Variants in MACF1 observed in about 807,000 individuals in gnomAD.
MACF1 encodes the protein microtubule-actin cross-linking factor 1.
Under a neutral mutation model 854.8 loss-of-function variants are expected in MACF1, and 193 were observed. The ratio of observed to expected loss-of-function variants is 0.23; its 90% CI spans 0.20 to 0.25. MACF1 has a LOEUF of 0.25. Among genes scored for constraint, MACF1 ranks in the 10% least tolerant of loss-of-function variants. MACF1 has a pLI of 1.00. For synonymous variants in MACF1, 3,185 were observed against 3,226.7 expected (o/e 0.99, Z 0.44); for missense variants, 7,722 against 8,929.1 (o/e 0.86, Z 5.45).
At chr1:39,477,075 A>ACACACATATATACACTTAGTG (rs1331285017) in intron 97 of MACF1, among the ~76,000 whole-genome samples, 1 of 51,308 alleles carries the variant, frequency 1.9e-5, no homozygotes, top group Non-Finnish European at 3.3e-5. Context: ...ATATATATAT[A>ACACACATATATACACTTAGTG]TATATATATA....
chr1:39,304,301 A>G, intron 23 of MACF1: 7 of 645,762 alleles, frequency 1.1e-5, no homozygotes, highest in Non-Finnish European at 1.7e-5. Context: ...ATTTCACTCT[A>G]CGTGCTTTCC....
rs560441670 is a variant in MACF1 at position 39,320,551 on chromosome 1, T to C, written c.4029+804T>C. ...TACAGCAAATAAGATCATGTCACTC[T>C]CCTGCTCAAAACTGTCCAATGGCTT... On this transcript the variant is annotated intron_variant, in intron 31 of 100. Transcript: ENST00000564288. 4.6e-5 allele frequency among the ~76,000 whole-genome samples: 7 copies of C among 152,344 alleles called. No individual in the cohort carries two copies. In the South Asian group the frequency reaches 1.2e-3, roughly 27 times the overall value.
At chr1:39,117,989 T>C (rs912007054) in intron 2 of MACF1, among the ~76,000 whole-genome samples, 1 of 152,214 alleles carries the variant, frequency 6.6e-6, no homozygotes, top group African/African-American at 2.4e-5. Context: ...GCCAGGTAAT[T>C]TCTCTCTGAT....
At chr1:39,311,114 C>T in intron 26 of MACF1, 114 bp downstream of exon 26, 1 of 1,142,178 alleles carries the variant, frequency 8.8e-7, no homozygotes, top group Non-Finnish European at 1.2e-6. Context: ...GACAGTCCTT[C>T]TCAGGAGTTC....
chr1:39,270,986 A>C (rs1326068704), intron 6 of MACF1, among the ~76,000 whole-genome samples: 2 of 152,132 alleles, frequency 1.3e-5, no homozygotes, highest in African/African-American at 4.8e-5. Context: ...CCATTGAAAA[A>C]ATATCTATTT....
At chr1:39,112,153 C>A (rs1041193079) in intron 2 of MACF1, among the ~76,000 whole-genome samples, 4 of 146,256 alleles carry the variant, frequency 2.7e-5, no homozygotes, top group African/African-American at 1.0e-4. Context: ...GTGGCATGAT[C>A]TCAGCTCACT....
chr1:39,304,281 G>C, intron 23 of MACF1: 1 of 579,918 alleles, frequency 1.7e-6, no homozygotes, highest in Non-Finnish European at 3.3e-6. Flanking sequence ...TGCCATTTCA[G>C]TAGTGACTTA....
intron 35 of MACF1, among the ~76,000 whole-genome samples, chr1:39,326,777 C>T (rs534841553): frequency 6.2e-4 from 94 of 150,926 alleles, no homozygotes; most frequent in African/African-American, 2.2e-3. Context: ...GATAGCTAGA[C>T]AACAGGTAAA....
chr1:39,153,332 A>G (rs1488662042), intron 2 of MACF1, among the ~76,000 whole-genome samples: 1 of 152,170 alleles, frequency 6.6e-6, no homozygotes, highest in Non-Finnish European at 1.5e-5. Flanking sequence ...GAGGTCCTAT[A>G]GGTACAGATT....
At chr1:39,120,712 A>G (rs1158623120) in intron 2 of MACF1, among the ~76,000 whole-genome samples, 1 of 152,196 alleles carries the variant, frequency 6.6e-6, no homozygotes, top group Non-Finnish European at 1.5e-5. Flanking sequence ...TTGTGGGTAC[A>G]TAATAGGTGT....
intron 2 of MACF1, among the ~76,000 whole-genome samples, chr1:39,116,420 A>C (rs759422315): frequency 8.6e-5 from 13 of 150,492 alleles, no homozygotes; most frequent in Non-Finnish European, 1.5e-4. Flanking sequence ...GTGTGTGTGT[A>C]TGTGTGTGTG....
At chr1:39,209,926 C>T (rs1644496264) in intron 1 of MACF1, among the ~76,000 whole-genome samples, 2 of 151,574 alleles carry the variant, frequency 1.3e-5, no homozygotes, top group Admixed American at 1.3e-4. Context: ...CCATCTCTAC[C>T]AAAAAATAAA....
chr1:39,360,243 T>C (rs992310693), intron 47 of MACF1, among the ~76,000 whole-genome samples: 1 of 151,404 alleles, frequency 6.6e-6, no homozygotes, highest in Non-Finnish European at 1.5e-5. Flanking sequence ...AAACGAAAGA[T>C]AATTATTCTT....
At chr1:39,184,735 T>C (rs1644145448) in intron 2 of MACF1, among the ~76,000 whole-genome samples, 1 of 152,216 alleles carries the variant, frequency 6.6e-6, no homozygotes, top group African/African-American at 2.4e-5. Flanking sequence ...GTCATCATCA[T>C]GCACCTACCA....
chr1:39,307,035 C>T (rs958082749), intron 23 of MACF1, among the ~76,000 whole-genome samples: 5 of 151,474 alleles, frequency 3.3e-5, no homozygotes, highest in East Asian at 1.9e-4. Context: ...CCCCCATTTC[C>T]GGCTAATTTT....
At chr1:39,102,203 G>GAGAA (rs1345474092) in intron 2 of MACF1, among the ~76,000 whole-genome samples, 1 of 151,160 alleles carries the variant, frequency 6.6e-6, no homozygotes, top group Non-Finnish European at 1.5e-5. Flanking sequence ...AAGAGAGAGA[G>GAGAA]AGAGAGAGAA....
chr1:39,255,020 C>T (rs1645081888), intron 5 of MACF1, among the ~76,000 whole-genome samples: 1 of 151,944 alleles, frequency 6.6e-6, no homozygotes, highest in African/African-American at 2.4e-5. Context: ...GAACGTTTCA[C>T]CGAGAAGATA....
intron 96 of MACF1, 32 bp from the exon 97 acceptor site, chr1:39,469,515 G>A (rs1644736027): frequency 1.3e-6 from 2 of 1,511,074 alleles, no homozygotes; most frequent in South Asian, 2.4e-5. Flanking sequence ...TGCCCTGTCT[G>A]TTTCTTTCTG....
At chr1:39,315,487 C>G in intron 26 of MACF1, 26 bp from the exon 27 acceptor site, 1 of 1,612,238 alleles carries the variant, frequency 6.2e-7, no homozygotes, top group Non-Finnish European at 8.5e-7. Context: ...CTGTCTCCCT[C>G]TTTATGTGTG....
Sources: gnomAD v4.1 joint callset for allele counts (sites outside exome capture counted in the v4.1 genomes callset) on GRCh38, gnomAD v4.1.1 for gene constraint, MANE v1.5 for transcripts, NCBI Gene and HGNC (gene_info 2026-07-23, HGNC 2026-07-21) for gene names.